The following CDH13 variants were observed in gnomAD, a reference collection of about 807,000 sequenced individuals.
The protein encoded by CDH13 is cadherin-13.
In CDH13, 24 loss-of-function variants were observed where a neutral mutation model predicts 63.8. That is an observed-to-expected ratio of 0.38 (90% CI 0.27 to 0.53). The LOEUF is 0.53. CDH13 is among the 20% of genes least tolerant of loss of function. CDH13 has a pLI of 0.85. For missense variants in CDH13, 1,049 were observed against 903.1 expected, an observed-to-expected ratio of 1.16 and a Z score of -2.07; for synonymous variants, 503 against 355.3, an observed-to-expected ratio of 1.42 and a Z score of -4.67.
intron 1 of CDH13, among the ~76,000 whole-genome samples, chr16:82,795,299 C>T (rs1404515325): frequency 1.3e-5 from 2 of 152,142 alleles, no homozygotes; most frequent in African/African-American, 4.8e-5. Context: ...TAAACTCAGC[C>T]TCAGTGGACC....
At chr16:83,382,593 T>C (rs2091590028) in intron 6 of CDH13, among the ~76,000 whole-genome samples, 1 of 152,092 alleles carries the variant, frequency 6.6e-6, no homozygotes, top group South Asian at 2.1e-4. Flanking sequence ...AGTCAAGAAA[T>C]GAGCACTGAA....
At chr16:82,711,151 C>T (rs985792707) in intron 1 of CDH13, among the ~76,000 whole-genome samples, 2 of 152,048 alleles carry the variant, frequency 1.3e-5, no homozygotes, top group African/African-American at 4.8e-5. Flanking sequence ...CATGAAAGGG[C>T]CGCGTGGCAG....
In CDH13 at chr16:82,667,310, C is replaced by T. The variant is rs115418271; in HGVS notation, c.45+40173C>T. Among the ~76,000 whole-genome samples, 823 of 152,256 alleles carry T rather than the reference C, an allele frequency of 5.4e-3. 12 individuals are homozygous for T. Among genetic ancestry groups the T allele is most frequent in the African/African-American group, 0.019 (780 of 41,546 alleles). On this transcript the variant is annotated intron_variant, in intron 1 of 13. Coordinates refer to ENST00000567109, the MANE Select transcript of CDH13 (RefSeq NM_001257.5). ...AGAGTGAAGGAAGAGGGGATTGAGG[C>T]AGGTAAGGAGGGGAGGCTTGCGAAG...
chr16:83,110,415 A>AT (rs1158137102), intron 3 of CDH13, among the ~76,000 whole-genome samples: 2 of 152,170 alleles, frequency 1.3e-5, no homozygotes. Flanking sequence ...TTAACAAGGG[A>AT]TTTTATGCCT....
intron 6 of CDH13, among the ~76,000 whole-genome samples, chr16:83,456,517 T>C (rs138440905): frequency 2.7e-4 from 41 of 152,236 alleles, no homozygotes; most frequent in African/African-American, 9.6e-4. Flanking sequence ...TTGCCCTTTG[T>C]GGGTTCAGAG....
intron 3 of CDH13, among the ~76,000 whole-genome samples, chr16:83,083,232 C>G (rs1472878722): frequency 1.3e-5 from 2 of 152,192 alleles, no homozygotes; most frequent in African/African-American, 4.8e-5. Context: ...TCAAAATACT[C>G]TTGGGAGAAG....
At chr16:82,693,142 G>A (rs11861528) in intron 1 of CDH13, among the ~76,000 whole-genome samples, 20,067 of 152,146 alleles carry the variant, frequency 0.13, 1,760 homozygotes, top group African/African-American at 0.25. Context: ...GAATCTGCCA[G>A]TTATCATGCC....
At chr16:83,349,686 T>C (rs4782776) in intron 6 of CDH13, among the ~76,000 whole-genome samples, 65,932 of 151,718 alleles carry the variant, frequency 0.43, 16,212 homozygotes, top group East Asian at 0.76. Flanking sequence ...CTGCAACCTG[T>C]GCCTCCTGCA....
At chr16:83,166,657 T>C (rs1052409484) in intron 4 of CDH13, among the ~76,000 whole-genome samples, 2 of 152,192 alleles carry the variant, frequency 1.3e-5, no homozygotes, top group Non-Finnish European at 2.9e-5. Flanking sequence ...ATTTAATATA[T>C]TCAGGCATGG....
intron 8 of CDH13, among the ~76,000 whole-genome samples, chr16:83,626,886 G>A (rs1364858562): frequency 1.3e-5 from 2 of 152,200 alleles, no homozygotes; most frequent in African/African-American, 4.8e-5. Flanking sequence ...CTGCGCCTGT[G>A]CTGTCTGGAC....
At chr16:83,561,416 A>C (rs1410360325) in intron 7 of CDH13, among the ~76,000 whole-genome samples, 2 of 118,488 alleles carry the variant, frequency 1.7e-5, no homozygotes, top group Non-Finnish European at 3.5e-5. Context: ...ACAAGAGGGA[A>C]ACACCATCTC....
chr16:83,209,261 C>G (rs145722650), intron 4 of CDH13, among the ~76,000 whole-genome samples: 1 of 152,298 alleles, frequency 6.6e-6, no homozygotes, highest in Non-Finnish European at 1.5e-5. Context: ...ACCTATGAGT[C>G]AGGGCCTGGA....
intron 7 of CDH13, among the ~76,000 whole-genome samples, chr16:83,591,338 G>C (rs976949607): frequency 3.9e-5 from 6 of 152,204 alleles, no homozygotes; most frequent in Non-Finnish European, 8.8e-5. Flanking sequence ...TAGTACTTGA[G>C]CATCTCAATT....
chr16:83,326,632 A>G (rs2090368970), intron 5 of CDH13, among the ~76,000 whole-genome samples: 1 of 152,046 alleles, frequency 6.6e-6, no homozygotes, highest in Non-Finnish European at 1.5e-5. Context: ...CCTTTGCTGC[A>G]CAATCTAGGT....
intron 5 of CDH13, among the ~76,000 whole-genome samples, chr16:83,341,989 C>CACACACA (rs2090733078): frequency 6.5e-5 from 9 of 138,072 alleles, no homozygotes; most frequent in Non-Finnish European, 1.2e-4. Context: ...GTGTCCCCTG[C>CACACACA]CACACACACA....
intron 6 of CDH13, among the ~76,000 whole-genome samples, chr16:83,410,164 T>G (rs1306546367): frequency 1.3e-5 from 2 of 152,154 alleles, no homozygotes; most frequent in Non-Finnish European, 2.9e-5. Context: ...TCAGCTGAAG[T>G]GAAGCACCAA....
rs79953870 is a variant in CDH13 at position 83,259,621 on chromosome 16, A to G, written c.636+42124A>G. ...ATCATTCACTTAAGACAAAGTCAAT[A>G]GAAGACTTCTCAGTCTCAAATTTTT... is the stretch of plus-strand genomic sequence containing the variant. On this transcript the variant is annotated intron_variant, in intron 5 of 13. Transcript: ENST00000567109. 3.8e-3 allele frequency among the ~76,000 whole-genome samples: 583 copies of G among 152,334 alleles called. 3 individuals carry two copies. The highest frequency in any genetic ancestry group is 0.034 in the Middle Eastern group (10 of 294).
intron 5 of CDH13, among the ~76,000 whole-genome samples, chr16:83,231,452 T>A (rs4782756): frequency 1.3e-5 from 2 of 152,074 alleles, no homozygotes; most frequent in African/African-American, 2.4e-5. Flanking sequence ...AAGCATAGAT[T>A]GCACATGGAG....
At chr16:82,645,796 C>G (rs954261423) in intron 1 of CDH13, among the ~76,000 whole-genome samples, 11 of 152,210 alleles carry the variant, frequency 7.2e-5, no homozygotes, top group African/African-American at 2.7e-4. Context: ...TAAATACGCA[C>G]TTCAACTCAT....
Sources: allele counts gnomAD v4.1 joint callset (sites outside exome capture counted in the v4.1 genomes callset), GRCh38; gene constraint gnomAD v4.1.1; transcripts MANE v1.5; gene names NCBI Gene and HGNC (gene_info 2026-07-23, HGNC 2026-07-21).